The following ARHGEF12 variants were observed in gnomAD, a reference collection of about 807,000 sequenced individuals.
ARHGEF12 encodes Rho guanine nucleotide exchange factor 12.
Under a neutral mutation model 211.2 loss-of-function variants are expected in ARHGEF12, and 66 were observed. That is an observed-to-expected ratio of 0.31 (90% CI 0.26 to 0.38). The LOEUF (loss-of-function observed/expected upper bound fraction) is 0.38. ARHGEF12 is among the 10% of genes least tolerant of loss of function. The pLI is 1.00. For synonymous variants in ARHGEF12, 592 were observed against 638.4 expected, an observed-to-expected ratio of 0.93 and a Z score of 1.09; for missense variants, 1,429 against 1,869.5, an observed-to-expected ratio of 0.76 and a Z score of 4.34.
At chr11:120,414,163 G>C (rs986035697) in intron 4 of ARHGEF12, among the ~76,000 whole-genome samples, 6 of 152,114 alleles carry the variant, frequency 3.9e-5, no homozygotes, top group African/African-American at 1.2e-4. Flanking sequence ...ATGTAAATTT[G>C]ATATAACATC....
intron 1 of ARHGEF12, among the ~76,000 whole-genome samples, chr11:120,345,170 A>G (rs1942665036): frequency 6.6e-6 from 1 of 152,152 alleles, no homozygotes; most frequent in Non-Finnish European, 1.5e-5. Context: ...CTCTAGTGAT[A>G]AAACGGAAAG....
At position 120,415,104 on chromosome 11, in the gene ARHGEF12, C is replaced by A. The variant is rs1401710118; in HGVS notation, c.200-5649C>A. ...TACCAGATGATAAAGGATTTAGCAACAAAACAAAACCATGGACTATATGAG... is the reference window on the plus strand; with the variant it reads ...TACCAGATGATAAAGGATTTAGCAAAAAAACAAAACCATGGACTATATGAG... On this transcript the variant is annotated intron_variant, in intron 4 of 40. Transcript: ENST00000397843. 2.0e-5 allele frequency among the ~76,000 whole-genome samples: 3 copies of A among 151,172 alleles called. No individual in the cohort carries two copies. In the South Asian group the frequency reaches 6.3e-4, roughly 32 times the overall value.
intron 29 of ARHGEF12, among the ~76,000 whole-genome samples, chr11:120,468,449 G>T (rs933790299): frequency 1.3e-5 from 2 of 152,006 alleles, no homozygotes; most frequent in African/African-American, 4.8e-5. Context: ...GTTTTGTTTT[G>T]TTTTGTTTTG....
At chr11:120,347,876 T>C (rs1376544389) in intron 1 of ARHGEF12, among the ~76,000 whole-genome samples, 6 of 152,210 alleles carry the variant, frequency 3.9e-5, no homozygotes, top group Non-Finnish European at 8.8e-5. Context: ...CTTCAGTTTG[T>C]AGATTTTCAG....
chr11:120,455,970 A>T (rs1946349630), intron 22 of ARHGEF12, among the ~76,000 whole-genome samples: 1 of 152,240 alleles, frequency 6.6e-6, no homozygotes, highest in Non-Finnish European at 1.5e-5. Flanking sequence ...AGACTTTAAT[A>T]AATGTTCTAT....
chr11:120,439,047 C>G (rs1945786093), intron 12 of ARHGEF12: 2 of 152,082 alleles, frequency 1.3e-5, no homozygotes, highest in South Asian at 4.2e-4. Context: ...AGAGATGGGT[C>G]TTGTTGTTTT....
intron 1 of ARHGEF12, among the ~76,000 whole-genome samples, chr11:120,383,323 A>T (rs146218742): frequency 2.5e-3 from 377 of 152,118 alleles, no homozygotes; most frequent in Admixed American, 4.0e-3. Context: ...CAGTTTTTCA[A>T]TGGGACTGGG....
At chr11:120,417,333 G>A (rs975657138) in intron 4 of ARHGEF12, among the ~76,000 whole-genome samples, 7 of 152,006 alleles carry the variant, frequency 4.6e-5, no homozygotes, top group South Asian at 4.2e-4. Context: ...GGAGAAGCAC[G>A]AATATAGTAT....
At chr11:120,362,968 C>T (rs938040885) in intron 1 of ARHGEF12, among the ~76,000 whole-genome samples, 2 of 152,122 alleles carry the variant, frequency 1.3e-5, no homozygotes, top group East Asian at 3.9e-4. Context: ...GGCGTGGTGG[C>T]AGGCGCCTGT....
intron 1 of ARHGEF12, among the ~76,000 whole-genome samples, chr11:120,388,070 T>C (rs1944093630): frequency 6.6e-6 from 1 of 152,166 alleles, no homozygotes; most frequent in African/African-American, 2.4e-5. Context: ...CCTTGTGCAT[T>C]TTCATAATTT....
At chr11:120,448,444 C>A in intron 20 of ARHGEF12, 96 bp downstream of exon 20, 2 of 822,426 alleles carry the variant, frequency 2.4e-6, no homozygotes, top group Non-Finnish European at 3.9e-6. Context: ...ACTTAATCAG[C>A]AAATTAATGC....
intron 1 of ARHGEF12, among the ~76,000 whole-genome samples, chr11:120,382,084 C>T (rs953211834): frequency 1.3e-5 from 2 of 152,014 alleles, no homozygotes; most frequent in African/African-American, 4.8e-5. Context: ...TTTTCATTCC[C>T]CCATTAAAGG....
chr11:120,439,842 C>T (rs1269174492), intron 12 of ARHGEF12: 3 of 272,052 alleles, frequency 1.1e-5, no homozygotes, highest in Non-Finnish European at 2.0e-5. Flanking sequence ...GTGTTAAAGT[C>T]AGATAACCAA....
intron 12 of ARHGEF12, among the ~76,000 whole-genome samples, chr11:120,437,590 G>A (rs1046917159): frequency 6.6e-6 from 1 of 151,914 alleles, no homozygotes; most frequent in African/African-American, 2.4e-5. Flanking sequence ...CATATTTGTC[G>A]TGGTGGTAAC....
intron 1 of ARHGEF12, among the ~76,000 whole-genome samples, chr11:120,370,166 A>T (rs571725119): frequency 3.3e-5 from 5 of 152,334 alleles, no homozygotes; most frequent in Admixed American, 2.0e-4. Context: ...ATAAAATATT[A>T]TGAATATGAT....
intron 15 of ARHGEF12, among the ~76,000 whole-genome samples, chr11:120,444,967 G>T (rs1946000618): frequency 6.6e-6 from 1 of 152,134 alleles, no homozygotes; most frequent in Admixed American, 6.5e-5. Context: ...AAACGATTAG[G>T]AATATTATTG....
chr11:120,457,669 G>A (rs1042054236), intron 23 of ARHGEF12, 52 bp from the exon 24 acceptor site: 3 of 1,440,332 alleles, frequency 2.1e-6, no homozygotes, highest in Non-Finnish European at 2.9e-6. Context: ...TGGTATAAAT[G>A]TATTGATCAC....
intron 1 of ARHGEF12, among the ~76,000 whole-genome samples, chr11:120,347,535 G>A (rs921616536): frequency 3.9e-5 from 6 of 152,040 alleles, no homozygotes; most frequent in Non-Finnish European, 5.9e-5. Context: ...TTTGCTCTGT[G>A]GAGAAAGGAT....
intron 11 of ARHGEF12, among the ~76,000 whole-genome samples, chr11:120,436,664 A>G (rs73582276): frequency 0.015 from 2,254 of 152,328 alleles, 55 homozygotes; most frequent in African/African-American, 0.05. Context: ...CCTAGACAAT[A>G]CAGTATAACA....
Sources: gnomAD v4.1 joint callset for allele counts (sites outside exome capture counted in the v4.1 genomes callset) on GRCh38, gnomAD v4.1.1 for gene constraint, MANE v1.5 for transcripts, NCBI Gene and HGNC (gene_info 2026-07-23, HGNC 2026-07-21) for gene names.